Variants in SV2B observed in about 807,000 individuals in gnomAD.
The protein encoded by SV2B is synaptic vesicle glycoprotein 2B.
SV2B carries 41 observed loss-of-function variants against 73.9 expected under a neutral mutation model. The ratio of observed to expected loss-of-function variants is 0.56; its 90% CI spans 0.43 to 0.72. The LOEUF is 0.72. Among genes scored for constraint, SV2B ranks in the 30% least tolerant of loss-of-function variants. The pLI is 0.00. For missense variants in SV2B, 764 were observed against 857.8 expected (o/e 0.89, Z 1.37); for synonymous variants, 314 against 314.2 (o/e 1.00, Z 0.01).
intron 1 of SV2B, among the ~76,000 whole-genome samples, chr15:91,112,842 G>C (rs559340432): frequency 1.3e-4 from 20 of 152,194 alleles, no homozygotes; most frequent in African/African-American, 4.6e-4. Context: ...TTAGAGACAG[G>C]GTCTTGCTCT....
Position 91,253,822 on chromosome 15 carries a change from T to C in SV2B, c.784+1302T>C, listed in dbSNP as rs2047581492. Among the ~76,000 whole-genome samples the C allele has an allele frequency of 6.6e-6, 1 of 152,210 alleles. No homozygotes were observed. The highest frequency in any genetic ancestry group is 1.5e-5 in the Non-Finnish European group (1 of 68,026). ...GCCCACACTCTTCTGCAAGGGACACTGGGTAACAGTTTAGCTGTGTGCCCA... is the reference window on the plus strand; with the variant it reads ...GCCCACACTCTTCTGCAAGGGACACCGGGTAACAGTTTAGCTGTGTGCCCA... On this transcript the variant is annotated intron_variant, in intron 4 of 12. Coordinates refer to ENST00000394232, the MANE Select transcript of SV2B (RefSeq NM_001323032.3). This position sits in a 1 kb window ranked among gnomAD's most constrained non-coding sequence, Gnocchi z 5.0.
intron 1 of SV2B, among the ~76,000 whole-genome samples, chr15:91,150,562 A>G (rs1013109502): frequency 6.6e-6 from 1 of 152,176 alleles, no homozygotes; most frequent in African/African-American, 2.4e-5. Flanking sequence ...TTGTTTGTGA[A>G]TGCCCCTCTT....
At chr15:91,192,632 C>G (rs2045081695) in intron 1 of SV2B, among the ~76,000 whole-genome samples, 1 of 152,124 alleles carries the variant, frequency 6.6e-6, no homozygotes, top group Non-Finnish European at 1.5e-5. Flanking sequence ...TTTAAAATGG[C>G]TAACATAATT....
At chr15:91,210,647 T>A (rs1291324292) in intron 1 of SV2B, among the ~76,000 whole-genome samples, 1 of 152,136 alleles carries the variant, frequency 6.6e-6, no homozygotes, top group East Asian at 1.9e-4. Flanking sequence ...AACTCCTACA[T>A]CTGTATCCAC....
chr15:91,117,262 C>G (rs1252295558), intron 1 of SV2B, among the ~76,000 whole-genome samples: 1 of 152,170 alleles, frequency 6.6e-6, no homozygotes, highest in African/African-American at 2.4e-5. Flanking sequence ...CCTCAGTTTC[C>G]TAACCTGTAA....
intron 1 of SV2B, chr15:91,102,283 T>G (rs1297977354): frequency 6.6e-6 from 1 of 152,198 alleles, no homozygotes; most frequent in African/African-American, 2.4e-5. Context: ...CAGCGTGCAC[T>G]ACAAGAAGCA....
rs540619266 is a variant in SV2B, at chr15:91,141,338, T to C, written c.-392+40975T>C. On this transcript the variant is annotated intron_variant, in intron 1 of 12. Transcript: ENST00000394232. The surrounding 1 kb of genome is among the most constrained non-coding windows in gnomAD (Gnocchi z 4.6). ...TTTGCTGGCATCATCTAGGGTGTCT[T>C]GCAGAACAGGGCCTTGCTCTTCTTC... Among the ~76,000 whole-genome samples the C allele has an allele frequency of 1.2e-4, 19 of 152,334 alleles. No individual in the cohort carries two copies. In the South Asian group the frequency reaches 3.9e-3, roughly 32 times the overall value.
rs2046924010 is a variant in SV2B at position 91,239,596 on chromosome 15, CT to C, written c.452-12222del. ...GACTATTGGCACAGAATTCTTCCCCCTGTGCCAAGTTGTCTTGCTGTTTGCT... is the reference window on the plus strand; with the variant it reads ...GACTATTGGCACAGAATTCTTCCCCCGTGCCAAGTTGTCTTGCTGTTTGCT... On this transcript the variant is annotated intron_variant, in intron 2 of 12. Transcript: ENST00000394232. The surrounding 1 kb of genome is among the most constrained non-coding windows in gnomAD (Gnocchi z 5.1). Among the ~76,000 whole-genome samples the C allele has an allele frequency of 6.6e-6, 1 of 152,108 alleles. No homozygotes were observed. Among genetic ancestry groups the C allele is most frequent in the South Asian group, 2.1e-4 (1 of 4,816 alleles).
Position 91,226,145 on chromosome 15 carries a change from A to G in SV2B, c.-119A>G. ...GTGTGACTTTCACCTAAGAAGTCAC[A>G]TGAACATATTTCACATTTGAACTAC... On this transcript the variant is annotated 5_prime_UTR_variant, in exon 2 of 13. An upstream start codon of the reference 5' UTR is lost. Transcript: ENST00000394232. 2.0e-6 allele frequency: 2 copies of G among 999,688 alleles called. No individual in the cohort carries two copies. The highest frequency in any genetic ancestry group is 2.9e-6 in the Non-Finnish European group (2 of 678,206). 61.9% of individuals were successfully genotyped at this position (999,688 alleles called of 1,614,324 possible).
Position 91,200,608 on chromosome 15 carries a change from T to C in SV2B, c.-391-25265T>C, listed in dbSNP as rs907416002. On this transcript the variant is annotated intron_variant, in intron 1 of 12. Transcript: ENST00000394232. ...TGGTGCTACTGGGGTTTATTCATTT[T>C]GAATAAATAAACTGAAAGCCGGCTT... Among the ~76,000 whole-genome samples, 3 of 152,278 alleles carry C rather than the reference T, an allele frequency of 2.0e-5. No homozygotes were observed. In the East Asian group the frequency reaches 5.8e-4, roughly 29 times the overall value.
chr15:91,200,332 T>G (rs2045415485), intron 1 of SV2B, among the ~76,000 whole-genome samples: 1 of 152,232 alleles, frequency 6.6e-6, no homozygotes, highest in South Asian at 2.1e-4. Flanking sequence ...TTTAGGGATA[T>G]TGATCGGGCC....
At chr15:91,143,319 A>G (rs1309854684) in intron 1 of SV2B, among the ~76,000 whole-genome samples, 7 of 152,214 alleles carry the variant, frequency 4.6e-5, no homozygotes, top group South Asian at 4.1e-4. Flanking sequence ...AAGCCTTTCA[A>G]ATATGTTCCC....
chr15:91,113,771 A>G (rs958026725), intron 1 of SV2B, among the ~76,000 whole-genome samples: 1 of 152,232 alleles, frequency 6.6e-6, no homozygotes, highest in Non-Finnish European at 1.5e-5. Context: ...TACAGGTTGC[A>G]TAGCCTCAGA....
Position 91,242,920 on chromosome 15 carries a change from G to T in SV2B, c.452-8899G>T, listed in dbSNP as rs910570295. ...TTTCTGGTTCTTTTTGAAACTGTAG[G>T]AATAGGGTCTATCTTCTGTAACACA... On this transcript the variant is annotated intron_variant, in intron 2 of 12. Coordinates refer to ENST00000394232, the MANE Select transcript of SV2B (RefSeq NM_001323032.3). This position sits in a 1 kb window ranked among gnomAD's most constrained non-coding sequence, Gnocchi z 4.9. Among the ~76,000 whole-genome samples the T allele has an allele frequency of 2.6e-4, 40 of 152,116 alleles. No individual in the cohort carries two copies. Among genetic ancestry groups the T allele is most frequent in the African/African-American group, 9.7e-4 (40 of 41,414 alleles).
At position 91,261,161 on chromosome 15, in the gene SV2B, GC is replaced by G. The variant is rs2047898676; in HGVS notation, c.1008+753del. On this transcript the variant is annotated intron_variant, in intron 6 of 12. Transcript: ENST00000394232. This position sits in a 1 kb window ranked among gnomAD's most constrained non-coding sequence, Gnocchi z 4.7. Reference sequence around the variant, plus strand: ...ACCTAAAATCCCAGCTACTCAGGAGGCTGAGGCAGGAGAATTGCTTGAACCC... The same window carrying G: ...ACCTAAAATCCCAGCTACTCAGGAGGTGAGGCAGGAGAATTGCTTGAACCC... Among the ~76,000 whole-genome samples the G allele has an allele frequency of 6.6e-6, 1 of 152,100 alleles. No individual in the cohort carries two copies. The highest frequency in any genetic ancestry group is 1.5e-5 in the Non-Finnish European group (1 of 68,026).
In SV2B at chr15:91,100,786, C is replaced by T. The variant is rs1271097114; in HGVS notation, c.-392+423C>T. Among the ~76,000 whole-genome samples, 1 of 152,206 alleles carries T rather than the reference C, an allele frequency of 6.6e-6. No homozygotes were observed. Among genetic ancestry groups the T allele is most frequent in the Non-Finnish European group, 1.5e-5 (1 of 68,032 alleles). On this transcript the variant is annotated intron_variant, in intron 1 of 12. Coordinates refer to ENST00000394232, the MANE Select transcript of SV2B (RefSeq NM_001323032.3). This position sits in a 1 kb window ranked among gnomAD's most constrained non-coding sequence, Gnocchi z 6.4. ...TTGTTCTTAAAGAACAGAATTCAAA[C>T]GTGCTTACACCTGGTGGCTCTTGGG... is the stretch of plus-strand genomic sequence containing the variant.
intron 12 of SV2B, among the ~76,000 whole-genome samples, chr15:91,292,097 G>GAA (rs60989668): frequency 2.7e-5 from 4 of 145,892 alleles, no homozygotes; most frequent in African/African-American, 7.4e-5. Flanking sequence ...AGATATCTTT[G>GAA]AAAAAAAAAC....
chr15:91,184,532 G>T (rs1158416078), intron 1 of SV2B, among the ~76,000 whole-genome samples: 2 of 152,092 alleles, frequency 1.3e-5, no homozygotes, highest in Non-Finnish European at 2.9e-5. Flanking sequence ...CTTCCCCAAG[G>T]CCCTGCCATT....
intron 6 of SV2B, 77 bp downstream of exon 6, chr15:91,260,486 C>A: frequency 2.6e-6 from 3 of 1,155,288 alleles, no homozygotes; most frequent in African/African-American, 1.6e-5. Flanking sequence ...GTAATTTAAG[C>A]ACATAACAGG....
Sources: allele counts gnomAD v4.1 joint callset (sites outside exome capture counted in the v4.1 genomes callset), GRCh38; gene constraint gnomAD v4.1.1; non-coding constraint Gnocchi (gnomAD v3.1); transcripts MANE v1.5; gene names NCBI Gene and HGNC (gene_info 2026-07-23, HGNC 2026-07-21).